The following PRKAG1 variants were observed in gnomAD, a reference collection of about 807,000 sequenced individuals.
PRKAG1 encodes the protein 5'-AMP-activated protein kinase subunit gamma-1.
PRKAG1 carries 27 observed loss-of-function variants against 48.2 expected under a neutral mutation model. The observed-to-expected ratio is 0.56, with a 90% CI of 0.41 to 0.77. The LOEUF is 0.77. PRKAG1 is among the 30% of genes least tolerant of loss of function. The pLI, the probability that PRKAG1 is intolerant of heterozygous loss-of-function variation, is 0.00. For missense variants in PRKAG1, 287 were observed against 398.3 expected (o/e 0.72, Z 2.38); for synonymous variants, 130 against 147.7 (o/e 0.88, Z 0.87).
chr12:49,008,848 G>A (rs780407360), intron 2 of PRKAG1, among the ~76,000 whole-genome samples: 11 of 152,106 alleles, frequency 7.2e-5, no homozygotes, highest in Admixed American at 2.6e-4. Flanking sequence ...AAAACTCATA[G>A]GATCTCTGTT....
chr12:49,009,889 A>G (rs534319632), intron 2 of PRKAG1, among the ~76,000 whole-genome samples: 1 of 152,348 alleles, frequency 6.6e-6, no homozygotes, highest in South Asian at 2.1e-4. Flanking sequence ...CTGGGATTAC[A>G]GGCGTGAGCC....
chr12:49,009,058 A>T (rs1941657787), intron 2 of PRKAG1, among the ~76,000 whole-genome samples: 2 of 142,404 alleles, frequency 1.4e-5, no homozygotes, highest in African/African-American at 5.3e-5. Flanking sequence ...TAGATACTGG[A>T]CCTCCTAGAC....
Position 49,013,042 on chromosome 12 carries a change from C to T in PRKAG1, c.58+20G>A, listed in dbSNP as rs1463472791. On this transcript the variant is annotated intron_variant, in intron 2 of 11. Coordinates refer to ENST00000548065, the MANE Select transcript of PRKAG1 (RefSeq NM_002733.5). ...AGGCTATTGTTTTCATGCCCAGTTT[C>T]CTTTCTTCAGTAAACTTACCTTGAG... The T allele has an allele frequency of 6.2e-7, 1 of 1,600,476 alleles. No homozygotes were observed. Among genetic ancestry groups the T allele is most frequent in the South Asian group, 1.1e-5 (1 of 90,638 alleles).
In PRKAG1 at chr12:49,003,007, C is replaced by G; in HGVS notation, c.889-1G>C. 6.2e-7 allele frequency: 1 copy of G among 1,614,124 alleles called. No homozygotes were observed. The highest frequency in any genetic ancestry group is 8.5e-7 in the Non-Finnish European group (1 of 1,179,958). On this transcript the variant is annotated splice_acceptor_variant, in intron 11 of 11. Coordinates refer to ENST00000548065, the MANE Select transcript of PRKAG1 (RefSeq NM_002733.5). LOFTEE classifies it high-confidence loss of function. ...CATCCACCACTACAAGTCGGTGAAC[C>G]TGGCACAGAGCAACAAGGGAGAAAG...
intron 1 of PRKAG1, chr12:49,017,089 T>C (rs2035833146): frequency 2.2e-6 from 1 of 452,888 alleles, no homozygotes; most frequent in Middle Eastern, 3.3e-4. Context: ...AGTCCTCTGT[T>C]TTCATATTGA....
Position 49,002,614 on chromosome 12 carries a change from C to T in PRKAG1, c.*285G>A, listed in dbSNP as rs1204118682. The T allele has an allele frequency of 2.0e-6, 1 of 489,958 alleles. No homozygotes were observed. The highest frequency in any genetic ancestry group is 4.0e-5 in the East Asian group (1 of 24,960). The allele number at this position is 489,958 out of a possible 1,614,324, so 30.4% of individuals were successfully genotyped here. Reference sequence around the variant, plus strand: ...TAGAGATCAGAATTTGTCTGAGAGGCACAGAGCCTATAGTTCACCCAGAAA... The same window carrying T: ...TAGAGATCAGAATTTGTCTGAGAGGTACAGAGCCTATAGTTCACCCAGAAA... On this transcript the variant is annotated 3_prime_UTR_variant, in exon 12 of 12. Coordinates refer to ENST00000548065, the MANE Select transcript of PRKAG1 (RefSeq NM_002733.5).
chr12:49,008,610 G>C (rs10875910), intron 2 of PRKAG1: 43,221 of 152,066 alleles, frequency 0.28, 6,938 homozygotes, highest in East Asian at 0.43. Context: ...CTGAGAAAGG[G>C]TGCATGGGAG....
intron 1 of PRKAG1, chr12:49,017,909 T>C (rs994617588): frequency 6.6e-6 from 1 of 152,168 alleles, no homozygotes; most frequent in Non-Finnish European, 1.5e-5. Flanking sequence ...AAAACCAAGA[T>C]GGAAAGAGTT....
chr12:49,006,909 C>T (rs1941561043), intron 2 of PRKAG1, among the ~76,000 whole-genome samples: 1 of 151,228 alleles, frequency 6.6e-6, no homozygotes, highest in South Asian at 2.1e-4. Flanking sequence ...GCAGAGGTTG[C>T]GATGAGCCGA....
chr12:49,010,491 T>C (rs928401818), intron 2 of PRKAG1, among the ~76,000 whole-genome samples: 15 of 152,226 alleles, frequency 9.9e-5, no homozygotes. Flanking sequence ...TACATGCTCC[T>C]GTTTTCAGTG....
Position 49,017,366 on chromosome 12 carries a change from C to T in PRKAG1, c.9+1366G>A, listed in dbSNP as rs76928882. 3 of 303,338 alleles carry T rather than the reference C, an allele frequency of 9.9e-6. No homozygotes were observed. The Admixed American group carries it at 1.3e-4, about 13-fold the overall frequency. The allele number at this position is 303,338 out of a possible 1,614,324, so 18.8% of individuals were successfully genotyped here. A position where few individuals can be genotyped will look rare whatever the true frequency, so the allele number is the denominator to read the frequency against. ...CAGGCACACACCACCACCACCACGC[C>T]TGGGTAATTTTTGTATTTTTGTTTC... On this transcript the variant is annotated intron_variant, in intron 1 of 11. Coordinates refer to ENST00000548065, the MANE Select transcript of PRKAG1 (RefSeq NM_002733.5).
chr12:49,008,184 A>G (rs1197858232), intron 2 of PRKAG1, among the ~76,000 whole-genome samples: 29 of 152,078 alleles, frequency 1.9e-4, no homozygotes, highest in Non-Finnish European at 1.5e-5. Flanking sequence ...TTGACTGAAT[A>G]TTTATTATTC....
At chr12:49,006,265 A>G (rs1162299076) in intron 2 of PRKAG1, among the ~76,000 whole-genome samples, 1 of 152,144 alleles carries the variant, frequency 6.6e-6, no homozygotes, top group Non-Finnish European at 1.5e-5. Flanking sequence ...TGTGCTGGGG[A>G]TGGTGGCAAG....
intron 2 of PRKAG1, among the ~76,000 whole-genome samples, chr12:49,007,872 T>A (rs957546205): frequency 1.3e-5 from 2 of 151,678 alleles, no homozygotes; most frequent in African/African-American, 4.8e-5. Context: ...TTTTTTTTTT[T>A]TTTTTGAGAG....
intron 7 of PRKAG1, 41 bp from the exon 8 acceptor site, chr12:49,004,674 G>A (rs997031415): frequency 1.1e-5 from 17 of 1,613,374 alleles, no homozygotes; most frequent in Non-Finnish European, 1.4e-5. Context: ...CAGTGCTGGG[G>A]CTGGGGGTGA....
At position 49,005,202 on chromosome 12, in the gene PRKAG1, C is replaced by G. The variant is rs1941486140; in HGVS notation, c.310-37G>C. 1.2e-6 allele frequency: 2 copies of G among 1,613,708 alleles called. No individual in the cohort carries two copies. The highest frequency in any genetic ancestry group is 1.3e-5 in the African/African-American group (1 of 75,040). Reference sequence around the variant, plus strand: ...AGCAACAGAATTTGAGACCTGATCTCTCTGCTTCCTTAAGCCCTCGTGGCT... The same window carrying G: ...AGCAACAGAATTTGAGACCTGATCTGTCTGCTTCCTTAAGCCCTCGTGGCT... On this transcript the variant is annotated intron_variant, in intron 5 of 11. Coordinates refer to ENST00000548065, the MANE Select transcript of PRKAG1 (RefSeq NM_002733.5). This position sits in a 1 kb window ranked among gnomAD's most constrained non-coding sequence, Gnocchi z 4.1.
At chr12:49,004,813 CTGTGTGTG>C (rs3832821) in intron 7 of PRKAG1, 143 bp downstream of exon 7, 30,409 of 712,538 alleles carry the variant, frequency 0.043, 396 homozygotes, top group African/African-American at 0.11. Flanking sequence ...GAGAGAGAGA[CTGTGTGTG>C]TGTGTGTGTG....
At position 49,005,279 on chromosome 12, in the gene PRKAG1, T is replaced by G; in HGVS notation, c.309+27A>C. ...AGGGATTTAGGGCAGGGAAAGTGAT[T>G]TTGGTCATTGGGTTAAGGTTCCTTA... On this transcript the variant is annotated intron_variant, in intron 5 of 11. Transcript: ENST00000548065. The surrounding 1 kb of genome is among the most constrained non-coding windows in gnomAD (Gnocchi z 4.1). 6.2e-7 allele frequency: 1 copy of G among 1,613,640 alleles called. No homozygotes were observed. Among genetic ancestry groups the G allele is most frequent in the Non-Finnish European group, 8.5e-7 (1 of 1,179,676 alleles).
chr12:49,013,038 G>A (rs750997604), intron 2 of PRKAG1, 24 bp downstream of exon 2: 16 of 1,597,466 alleles, frequency 1.0e-5, no homozygotes, highest in South Asian at 7.7e-5. Flanking sequence ...TTCATGCCCA[G>A]TTTCCTTTCT....
Sources: gnomAD v4.1 joint callset for allele counts (sites outside exome capture counted in the v4.1 genomes callset) on GRCh38, gnomAD v4.1.1 for gene constraint, Gnocchi (gnomAD v3.1) non-coding constraint, MANE v1.5 for transcripts, NCBI Gene and HGNC (gene_info 2026-07-23, HGNC 2026-07-21) for gene names.